IQGAP2: variants seen among roughly 807,000 people sequenced by gnomAD.
The protein encoded by IQGAP2 is IQ motif containing GTPase activating protein 2, also known as ras GTPase-activating-like protein IQGAP2.
A neutral mutation model predicts 201.3 loss-of-function variants in IQGAP2; 173 were observed. The ratio of observed to expected loss-of-function variants is 0.86; its 90% CI spans 0.76 to 0.98. The LOEUF (loss-of-function observed/expected upper bound fraction) is 0.98, where lower values mean the gene tolerates loss of function less well. Among genes scored for constraint, IQGAP2 ranks in the 50% least tolerant of loss-of-function variants. The pLI, the probability that IQGAP2 is intolerant of heterozygous loss-of-function variation, is 0.00. For missense variants in IQGAP2, 1,687 were observed against 1,864.8 expected (o/e 0.90, Z 1.76); for synonymous variants, 675 against 673.9 (o/e 1.00, Z -0.03).
intron 5 of IQGAP2, among the ~76,000 whole-genome samples, chr5:76,588,388 T>C (rs2173926): frequency 0.53 from 80,907 of 152,020 alleles, 21,997 homozygotes; most frequent in East Asian, 0.76. Flanking sequence ...TTGGGTAATA[T>C]ACACACATCA....
chr5:76,485,908 A>T (rs910343469), intron 2 of IQGAP2, among the ~76,000 whole-genome samples: 1 of 151,978 alleles, frequency 6.6e-6, no homozygotes, highest in East Asian at 1.9e-4. Flanking sequence ...TCTTAATTTT[A>T]TTTTTTTCCA....
rs547155944 is a variant in IQGAP2, at chr5:76,644,295, CTTT to C, written c.2094+3212_2094+3214del. ...AATGAGACTGCCATTTTTGTAAATC[CTTT>C]TTTTTTTTTTTTTTTTTTTGAGACA... On this transcript the variant is annotated intron_variant, in intron 17 of 35. Coordinates refer to ENST00000274364, the MANE Select transcript of IQGAP2 (RefSeq NM_006633.5). Among the ~76,000 whole-genome samples, 112 of 47,780 alleles carry C rather than the reference CTTT, an allele frequency of 2.3e-3. 2 individuals carry two copies. The highest frequency in any genetic ancestry group is 0.028 in the Middle Eastern group (2 of 72). 31.3% of individuals were successfully genotyped at this position (47,780 alleles called of 152,430 possible). A position where few individuals can be genotyped will look rare whatever the true frequency, so the allele number is the denominator to read the frequency against.
At chr5:76,617,509 G>C in intron 13 of IQGAP2, 2 of 1,141,412 alleles carry the variant, frequency 1.8e-6, no homozygotes, top group Non-Finnish European at 2.5e-6. Context: ...GGAGCTCCTT[G>C]CACTATGCTT....
intron 2 of IQGAP2, among the ~76,000 whole-genome samples, chr5:76,508,168 T>TA (rs34994753): frequency 0.27 from 40,098 of 149,772 alleles, 5,536 homozygotes; most frequent in East Asian, 0.36. Flanking sequence ...CCATCTCAAC[T>TA]AAAAAAAATA....
intron 17 of IQGAP2, 131 bp from the exon 18 acceptor site, chr5:76,652,619 T>G: frequency 7.2e-5 from 52 of 722,950 alleles, no homozygotes; most frequent in East Asian, 1.0e-4. Flanking sequence ...GGTGTCCAGA[T>G]GAGATCTGAA....
chr5:76,555,847 C>G (rs1463649632), intron 2 of IQGAP2, among the ~76,000 whole-genome samples: 2 of 152,142 alleles, frequency 1.3e-5, no homozygotes, highest in East Asian at 3.9e-4. Flanking sequence ...GGAGGTTTTC[C>G]TGAGCCACAC....
intron 15 of IQGAP2, among the ~76,000 whole-genome samples, chr5:76,632,814 G>GAAAA (rs56875301): frequency 6.7e-6 from 1 of 148,948 alleles, no homozygotes; most frequent in African/African-American, 2.5e-5. Flanking sequence ...AGAGCTTAAG[G>GAAAA]AAAAAAAAAA....
At chr5:76,641,742 G>A (rs565873727) in intron 17 of IQGAP2, among the ~76,000 whole-genome samples, 37 of 152,228 alleles carry the variant, frequency 2.4e-4, no homozygotes, top group African/African-American at 8.7e-4. Context: ...TTTGTGAAAG[G>A]CTGTGAGTTT....
chr5:76,658,387 A>T (rs374567138), intron 20 of IQGAP2, 72 bp from the exon 21 acceptor site: 22 of 1,222,588 alleles, frequency 1.8e-5, no homozygotes, highest in Admixed American at 1.6e-4. Context: ...ATTATTTAAG[A>T]CCTTGTTTCT....
At position 76,455,167 on chromosome 5, in the gene IQGAP2, A is replaced by G. The variant is rs1056227221; in HGVS notation, c.47-6403A>G. ...AGGCTTGGTTTAAAAACAAATGAAC[A>G]GTCTGATGCAGTGGCTCACACCTGT... On this transcript the variant is annotated intron_variant, in intron 1 of 35. Coordinates refer to ENST00000274364, the MANE Select transcript of IQGAP2 (RefSeq NM_006633.5). 3.3e-5 allele frequency among the ~76,000 whole-genome samples: 5 copies of G among 152,184 alleles called. No individual in the cohort carries two copies. The East Asian group carries it at 7.7e-4, about 24-fold the overall frequency.
chr5:76,561,744 C>T (rs146679766), intron 2 of IQGAP2, among the ~76,000 whole-genome samples: 12 of 152,304 alleles, frequency 7.9e-5, no homozygotes, highest in Non-Finnish European at 1.3e-4. Flanking sequence ...GGCACAACAT[C>T]TTAAGGTTTA....
chr5:76,502,370 T>C (rs921981543), intron 2 of IQGAP2, among the ~76,000 whole-genome samples: 3 of 152,250 alleles, frequency 2.0e-5, no homozygotes, highest in African/African-American at 2.4e-5. Flanking sequence ...AAGCATCACC[T>C]TCAGCTTTGC....
At chr5:76,476,246 G>A (rs1755418876) in intron 2 of IQGAP2, among the ~76,000 whole-genome samples, 1 of 152,128 alleles carries the variant, frequency 6.6e-6, no homozygotes, top group African/African-American at 2.4e-5. Context: ...GAGGAAGGCA[G>A]CAATTGTGGC....
intron 4 of IQGAP2, among the ~76,000 whole-genome samples, chr5:76,574,543 A>T (rs1745339732): frequency 6.6e-6 from 1 of 152,240 alleles, no homozygotes; most frequent in Non-Finnish European, 1.5e-5. Context: ...TGTTGGGATT[A>T]TGGGCGTGAG....
intron 33 of IQGAP2, among the ~76,000 whole-genome samples, chr5:76,698,408 G>A (rs1475274211): frequency 6.6e-6 from 1 of 152,066 alleles, no homozygotes; most frequent in Non-Finnish European, 1.5e-5. Context: ...AGTAAGTTAG[G>A]GAAGCACTTT....
chr5:76,536,788 A>G (rs895850980), intron 2 of IQGAP2, among the ~76,000 whole-genome samples: 2 of 152,094 alleles, frequency 1.3e-5, no homozygotes, highest in Non-Finnish European at 2.9e-5. Context: ...ATTTGGTAAG[A>G]CATGGCTTTT....
chr5:76,551,148 C>T lies in IQGAP2; in HGVS notation c.147-11248C>T, dbSNP rs375527618. On this transcript the variant is annotated intron_variant, in intron 2 of 35. Coordinates refer to ENST00000274364, the MANE Select transcript of IQGAP2 (RefSeq NM_006633.5). ...CTCAGATGGGGCGGCCGGGCAGAGACGCTCCTCACCTCCCAGACGGGGTGG... is the reference window on the plus strand; with the variant it reads ...CTCAGATGGGGCGGCCGGGCAGAGATGCTCCTCACCTCCCAGACGGGGTGG... Among the ~76,000 whole-genome samples the T allele has an allele frequency of 4.8e-3, 657 of 137,902 alleles. 3 individuals are homozygous for T. The highest frequency in any genetic ancestry group is 0.02 in the East Asian group (86 of 4,346). 90.5% of individuals were successfully genotyped at this position (137,902 alleles called of 152,430 possible).
chr5:76,514,011 C>CTTTTTT (rs70982619), intron 2 of IQGAP2, among the ~76,000 whole-genome samples: 2 of 65,084 alleles, frequency 3.1e-5, no homozygotes, highest in African/African-American at 6.9e-5. Flanking sequence ...TATTTGTTGC[C>CTTTTTT]TTTTTTTTTT....
In IQGAP2 at chr5:76,632,814, GA is replaced by G. The variant is rs56875301; in HGVS notation, c.1780+799del. On this transcript the variant is annotated intron_variant, in intron 15 of 35. Coordinates refer to ENST00000274364, the MANE Select transcript of IQGAP2 (RefSeq NM_006633.5). Reference sequence around the variant, plus strand: ...TGTGGCCTTAGAAGTAGAGCTTAAGGAAAAAAAAAAACTTTTTTAGTCCAAC... The same window carrying G: ...TGTGGCCTTAGAAGTAGAGCTTAAGGAAAAAAAAAACTTTTTTAGTCCAAC... Among the ~76,000 whole-genome samples the G allele has an allele frequency of 6.6e-4, 98 of 149,054 alleles. 2 individuals carry two copies. The East Asian group carries it at 0.017, about 26-fold the overall frequency.
Sources: allele counts gnomAD v4.1 joint callset (sites outside exome capture counted in the v4.1 genomes callset), GRCh38; gene constraint gnomAD v4.1.1; transcripts MANE v1.5; gene names NCBI Gene and HGNC (gene_info 2026-07-23, HGNC 2026-07-21).